The following FZD3 variants were observed in gnomAD, a reference collection of about 807,000 sequenced individuals.
The protein encoded by FZD3 is frizzled-3.
FZD3 carries 30 observed loss-of-function variants against 60.7 expected under a neutral mutation model. The observed-to-expected ratio is 0.49, with a 90% CI of 0.37 to 0.67. FZD3 has a LOEUF of 0.67. FZD3 is among the 30% of genes least tolerant of loss of function. The probability of loss-of-function intolerance (pLI) is 0.00; values close to 1 mark genes in which losing one functional copy is unlikely to be tolerated. For missense variants in FZD3, 605 were observed against 838.7 expected (o/e 0.72, Z 3.44); for synonymous variants, 246 against 275.2 (o/e 0.89, Z 1.05).
intron 5 of FZD3, among the ~76,000 whole-genome samples, chr8:28,546,606 C>T (rs115645398): frequency 3.2e-4 from 49 of 152,094 alleles, no homozygotes; most frequent in African/African-American, 1.2e-3. Context: ...ATGCCCCACC[C>T]AGCACTTATT....
intron 7 of FZD3, among the ~76,000 whole-genome samples, chr8:28,560,734 A>T (rs568393291): frequency 6.6e-6 from 1 of 152,266 alleles, no homozygotes; most frequent in Admixed American, 6.5e-5. Context: ...GAGGTGAAAG[A>T]TCTCCAAATC....
At chr8:28,546,578 C>G (rs1039584782) in intron 5 of FZD3, among the ~76,000 whole-genome samples, 1 of 152,164 alleles carries the variant, frequency 6.6e-6, no homozygotes, top group African/African-American at 2.4e-5. Context: ...AATTTACCAA[C>G]AGTGAGGGTG....
rs144746315 is a variant in FZD3 at position 28,527,521 on chromosome 8, T to C, written c.761T>C (p.Ile254Thr). 3 of 1,614,094 alleles carry C rather than the reference T, an allele frequency of 1.9e-6. No homozygotes were observed. The Admixed American group carries it at 5.0e-5, about 27-fold the overall frequency. The change falls in exon 5 of 8, where the codon ATT becomes ACT. Residue 254 changes from isoleucine to threonine, a missense_variant. Physicochemically the swap from Ile to Thr is moderately conservative, Grantham distance 89 (BLOSUM62 -1). Transcript: ENST00000240093. The surrounding 1 kb of genome is among the most constrained non-coding windows in gnomAD (Gnocchi z 5.0). ...CYMMVSLIFF[I>T]GFLLEDRVAC... Reference sequence around the variant, plus strand: ...ATGATGGTATCCTTAATTTTCTTCATTGGATTTTTGCTTGAAGATCGAGTA... The same window carrying C: ...ATGATGGTATCCTTAATTTTCTTCACTGGATTTTTGCTTGAAGATCGAGTA...
intron 7 of FZD3, among the ~76,000 whole-genome samples, chr8:28,560,970 T>C (rs1805602343): frequency 6.6e-6 from 1 of 152,240 alleles, no homozygotes. Context: ...AATAACTTTT[T>C]ACCCATTAAC....
chr8:28,562,160 A>G (rs13250476), intron 7 of FZD3, among the ~76,000 whole-genome samples: 80,754 of 151,928 alleles, frequency 0.53, 21,993 homozygotes, highest in South Asian at 0.63. Context: ...AAGCAGATGT[A>G]GCTTCCATGA....
intron 7 of FZD3, among the ~76,000 whole-genome samples, chr8:28,560,518 C>T (rs929677685): frequency 6.6e-6 from 1 of 151,922 alleles, no homozygotes; most frequent in Non-Finnish European, 1.5e-5. Flanking sequence ...TTAAATTATT[C>T]AATATAGTAA....
intron 5 of FZD3, among the ~76,000 whole-genome samples, chr8:28,538,460 A>C (rs1805077554): frequency 6.6e-6 from 1 of 152,198 alleles, no homozygotes; most frequent in South Asian, 2.1e-4. Flanking sequence ...TCAGTTTTAC[A>C]AATGAGAAAA....
At position 28,569,978 on chromosome 8, in the gene FZD3, GAA is replaced by G. The variant is rs1805775532; in HGVS notation, c.*6969_*6970del. The G allele has an allele frequency of 6.6e-6, 1 of 151,778 alleles. No homozygotes were observed. Among genetic ancestry groups the G allele is most frequent in the African/African-American group, 2.4e-5 (1 of 41,088 alleles). The allele number at this position is 151,778 out of a possible 1,614,324, so 9.4% of individuals were successfully genotyped here. On this transcript the variant is annotated 3_prime_UTR_variant, in exon 8 of 8. Coordinates refer to ENST00000240093, the MANE Select transcript of FZD3 (RefSeq NM_017412.4). ...ATTAAAATAATTATAAAATGTAAAAGAAATTTCAGAGGAGTTGATTGAAAATT... is the reference window on the plus strand; with the variant it reads ...ATTAAAATAATTATAAAATGTAAAAGATTTCAGAGGAGTTGATTGAAAATT...
rs921752630 is a variant in FZD3 at position 28,568,802 on chromosome 8, A to G, written c.*5791A>G. On this transcript the variant is annotated 3_prime_UTR_variant, in exon 8 of 8. Coordinates refer to ENST00000240093, the MANE Select transcript of FZD3 (RefSeq NM_017412.4). ...TCAATCTGTTGAAAGGCATTGAAGG[A>G]TAATTTCCTTCAGATTACTTTTTAA... 6.6e-6 allele frequency: 1 copy of G among 152,148 alleles called. No homozygotes were observed. The highest frequency in any genetic ancestry group is 2.4e-5 in the African/African-American group (1 of 41,460). 9.4% of individuals were successfully genotyped at this position (152,148 alleles called of 1,614,324 possible).
chr8:28,544,892 G>T lies in FZD3; in HGVS notation c.1405-6711G>T, dbSNP rs113121803. 4.2e-3 allele frequency among the ~76,000 whole-genome samples: 636 copies of T among 152,274 alleles called. 3 individuals carry two copies. The highest frequency in any genetic ancestry group is 0.015 in the African/African-American group (612 of 41,542). ...TCCAAGGTTGAAGGGGCCGCATCTG[G>T]TGAGGGTCTTCTTCCTGATGGGAAC... is the stretch of plus-strand genomic sequence containing the variant. On this transcript the variant is annotated intron_variant, in intron 5 of 7. Transcript: ENST00000240093.
At chr8:28,543,228 T>C (rs560454400) in intron 5 of FZD3, among the ~76,000 whole-genome samples, 1 of 152,332 alleles carries the variant, frequency 6.6e-6, no homozygotes, top group East Asian at 1.9e-4. Context: ...CTTCATCCTC[T>C]TCATCGTATT....
At chr8:28,546,389 A>G (rs924158703) in intron 5 of FZD3, among the ~76,000 whole-genome samples, 3 of 152,238 alleles carry the variant, frequency 2.0e-5, no homozygotes, top group African/African-American at 7.2e-5. Context: ...GCCAGTTGTT[A>G]AAACATTTAC....
At chr8:28,526,666 T>C (rs1368300863) in intron 4 of FZD3, among the ~76,000 whole-genome samples, 1 of 152,214 alleles carries the variant, frequency 6.6e-6, no homozygotes, top group Admixed American at 6.6e-5. Flanking sequence ...GAAAATGGTT[T>C]GTATTAGAAA....
At position 28,563,920 on chromosome 8, in the gene FZD3, C is replaced by T. The variant is rs779255636; in HGVS notation, c.*909C>T. 10 of 152,578 alleles carry T rather than the reference C, an allele frequency of 6.6e-5. No individual in the cohort carries two copies. The highest frequency in any genetic ancestry group is 1.2e-4 in the Non-Finnish European group (8 of 68,026). 9.5% of individuals were successfully genotyped at this position (152,578 alleles called of 1,614,324 possible). A position where few individuals can be genotyped will look rare whatever the true frequency, so the allele number is the denominator to read the frequency against. On this transcript the variant is annotated 3_prime_UTR_variant, in exon 8 of 8. Coordinates refer to ENST00000240093, the MANE Select transcript of FZD3 (RefSeq NM_017412.4). ...AATGGCAAAACATTTTCTCTGTATTCATTGTTGTATTTTTCTACAGTGAGA... is the reference window on the plus strand; with the variant it reads ...AATGGCAAAACATTTTCTCTGTATTTATTGTTGTATTTTTCTACAGTGAGA...
At chr8:28,558,857 A>G (rs1805563141) in intron 7 of FZD3, among the ~76,000 whole-genome samples, 2 of 152,232 alleles carry the variant, frequency 1.3e-5, no homozygotes, top group South Asian at 4.1e-4. Flanking sequence ...CTAGGAGCAT[A>G]TAACCTTATA....
Position 28,494,219 on chromosome 8 carries a change from C to T in FZD3, c.-515C>T, listed in dbSNP as rs984791204. ...CCGCGCGCCCCGGTGCTCGCGAAAG[C>T]TCGCTGTCGCTGGGAGGCGCGCGCC... On this transcript the variant is annotated 5_prime_UTR_variant, in exon 1 of 8. Transcript: ENST00000240093. 1.8e-4 allele frequency: 28 copies of T among 151,980 alleles called. No individual in the cohort carries two copies. Among genetic ancestry groups the T allele is most frequent in the African/African-American group, 6.5e-4 (27 of 41,526 alleles). The allele number at this position is 151,980 out of a possible 1,614,324, so 9.4% of individuals were successfully genotyped here.
chr8:28,505,861 A>G (rs7001034), intron 3 of FZD3, among the ~76,000 whole-genome samples: 94,171 of 152,044 alleles, frequency 0.62, 29,415 homozygotes, highest in East Asian at 0.69. Flanking sequence ...ATGTTTAAAT[A>G]GATAAGTGTC....
rs1314804500 is a variant in FZD3, at chr8:28,494,429, G to T, written c.-391+86G>T. On this transcript the variant is annotated intron_variant, in intron 1 of 7. Transcript: ENST00000240093. ...GTGGAGCCCGAGGAGGCGCCGCGCG[G>T]CTGCCTGCTGCTCCGCCTCAGCCCG... 5 of 152,260 alleles carry T rather than the reference G, an allele frequency of 3.3e-5. No individual in the cohort carries two copies. The East Asian group carries it at 7.8e-4, about 24-fold the overall frequency. 9.4% of individuals were successfully genotyped at this position (152,260 alleles called of 1,614,324 possible). A position where few individuals can be genotyped will look rare whatever the true frequency, so the allele number is the denominator to read the frequency against.
intron 7 of FZD3, among the ~76,000 whole-genome samples, chr8:28,556,777 G>A (rs908497881): frequency 1.3e-5 from 2 of 151,334 alleles, no homozygotes; most frequent in African/African-American, 4.8e-5. Flanking sequence ...TGGCCAGCAG[G>A]CCTTAGTTTG....
Sources: allele counts gnomAD v4.1 joint callset (sites outside exome capture counted in the v4.1 genomes callset), GRCh38; gene constraint gnomAD v4.1.1; non-coding constraint Gnocchi (gnomAD v3.1); transcripts MANE v1.5; gene names NCBI Gene and HGNC (gene_info 2026-07-23, HGNC 2026-07-21).